TNIK: variants seen among roughly 807,000 people sequenced by gnomAD.
TNIK encodes TRAF2 and NCK-interacting protein kinase.
TNIK carries 49 observed loss-of-function variants against 191.3 expected under a neutral mutation model. That is an observed-to-expected ratio of 0.26 (90% CI 0.20 to 0.32). The LOEUF is 0.32. Ranked by LOEUF, TNIK falls within the 10% of genes least tolerant of loss-of-function variation. The probability of loss-of-function intolerance (pLI) is 1.00; values close to 1 mark genes in which losing one functional copy is unlikely to be tolerated. For missense variants in TNIK, 1,155 were observed against 1,702.3 expected (o/e 0.68, Z 5.66); for synonymous variants, 594 against 600.9 (o/e 0.99, Z 0.17).
chr3:171,111,497 A>G (rs1167726614), intron 18 of TNIK, among the ~76,000 whole-genome samples: 1 of 152,218 alleles, frequency 6.6e-6, no homozygotes, highest in Non-Finnish European at 1.5e-5. Context: ...CTGTTTTCAA[A>G]AGACAAAAGA....
At chr3:171,287,796 G>C (rs1751178887) in intron 2 of TNIK, among the ~76,000 whole-genome samples, 1 of 152,130 alleles carries the variant, frequency 6.6e-6, no homozygotes, top group Non-Finnish European at 1.5e-5. Context: ...TTGTTCAAAT[G>C]ATGCTTGAAG....
At chr3:171,121,223 G>A (rs1162702630) in intron 18 of TNIK, among the ~76,000 whole-genome samples, 1 of 152,114 alleles carries the variant, frequency 6.6e-6, no homozygotes, top group Non-Finnish European at 1.5e-5. Flanking sequence ...TTTTAAAGTG[G>A]CTTTATGGAT....
chr3:171,313,915 T>A (rs1385768601), intron 2 of TNIK, among the ~76,000 whole-genome samples: 1 of 152,162 alleles, frequency 6.6e-6, no homozygotes, highest in African/African-American at 2.4e-5. Flanking sequence ...ATCTGATAAG[T>A]GTGATGCTCT....
chr3:171,072,083 A>T (rs1300100033), intron 28 of TNIK, among the ~76,000 whole-genome samples: 1 of 152,184 alleles, frequency 6.6e-6, no homozygotes, highest in Admixed American at 6.5e-5. Flanking sequence ...TGTCTCTGAT[A>T]GAATAATAAG....
chr3:171,370,767 G>T (rs1164573440), intron 1 of TNIK, among the ~76,000 whole-genome samples: 1 of 152,136 alleles, frequency 6.6e-6, no homozygotes, highest in Non-Finnish European at 1.5e-5. Context: ...GCACAATATT[G>T]CCAGGTCTAA....
chr3:171,237,588 CATGT>C (rs1744434741), intron 2 of TNIK, among the ~76,000 whole-genome samples: 1 of 151,722 alleles, frequency 6.6e-6, no homozygotes, highest in Non-Finnish European at 1.5e-5. Flanking sequence ...ATACACATAA[CATGT>C]ATGTTGGTAA....
chr3:171,203,613 C>T (rs1560257246), intron 4 of TNIK, among the ~76,000 whole-genome samples: 2 of 152,230 alleles, frequency 1.3e-5, no homozygotes, highest in South Asian at 2.1e-4. Context: ...TAAACCACCA[C>T]CACCTTATGT....
intron 2 of TNIK, among the ~76,000 whole-genome samples, chr3:171,288,010 C>T (rs1185417880): frequency 6.0e-5 from 9 of 150,720 alleles, no homozygotes; most frequent in Admixed American, 5.9e-4. Context: ...GAGTTCATGT[C>T]CTTTGTAGGG....
chr3:171,189,322 C>A (rs1737740371), intron 6 of TNIK, among the ~76,000 whole-genome samples: 2 of 152,082 alleles, frequency 1.3e-5, no homozygotes, highest in South Asian at 4.1e-4. Flanking sequence ...ATCTGTTCAC[C>A]TGTTGATGGG....
intron 15 of TNIK, among the ~76,000 whole-genome samples, chr3:171,134,889 T>C (rs1729760845): frequency 6.6e-6 from 1 of 151,738 alleles, no homozygotes; most frequent in South Asian, 2.1e-4. Flanking sequence ...GAGAAGTAGA[T>C]GGAAAAGTAA....
chr3:171,392,784 A>G (rs919044396), intron 1 of TNIK, among the ~76,000 whole-genome samples: 4 of 151,412 alleles, frequency 2.6e-5, no homozygotes, highest in African/African-American at 9.7e-5. Flanking sequence ...GTCTCAAAAA[A>G]AAAAAAAAAA....
At chr3:171,167,333 A>G in intron 9 of TNIK, 63 bp from the exon 10 acceptor site, 1 of 1,572,428 alleles carries the variant, frequency 6.4e-7, no homozygotes, top group South Asian at 1.2e-5. Flanking sequence ...CAAATGTGTA[A>G]TTTCTGAAAT....
chr3:171,295,420 A>G (rs1173228829), intron 2 of TNIK, among the ~76,000 whole-genome samples: 1 of 152,140 alleles, frequency 6.6e-6, no homozygotes, highest in Admixed American at 6.5e-5. Flanking sequence ...GCAGTCCTCC[A>G]AAGTGTTCTA....
chr3:171,249,775 G>A (rs1400840285), intron 2 of TNIK, among the ~76,000 whole-genome samples: 1 of 152,032 alleles, frequency 6.6e-6, no homozygotes, highest in East Asian at 1.9e-4. Flanking sequence ...CCACTCTTGA[G>A]GCAAGTAGCG....
chr3:171,101,078 C>A (rs75739018), intron 22 of TNIK, among the ~76,000 whole-genome samples: 4 of 152,118 alleles, frequency 2.6e-5, no homozygotes, highest in African/African-American at 9.6e-5. Flanking sequence ...TAATTTTAAT[C>A]CCTAAATGTC....
At chr3:171,126,702 A>T (rs1728526273) in intron 16 of TNIK, among the ~76,000 whole-genome samples, 1 of 152,194 alleles carries the variant, frequency 6.6e-6, no homozygotes, top group Non-Finnish European at 1.5e-5. Context: ...CATGGACTGG[A>T]CCAGGCATTC....
chr3:171,270,771 GTTAC>G (rs376611266), intron 2 of TNIK, among the ~76,000 whole-genome samples: 18 of 152,302 alleles, frequency 1.2e-4, no homozygotes, highest in African/African-American at 4.1e-4. Context: ...TTTTGGGAAA[GTTAC>G]TTCACACTCA....
At chr3:171,218,443 A>G (rs1741724448) in intron 3 of TNIK, among the ~76,000 whole-genome samples, 3 of 152,158 alleles carry the variant, frequency 2.0e-5, no homozygotes, top group South Asian at 4.1e-4. Flanking sequence ...TCATGTGGCT[A>G]AAGTCTACCA....
intron 15 of TNIK, among the ~76,000 whole-genome samples, chr3:171,135,383 G>A (rs1212382441): frequency 6.6e-6 from 1 of 152,192 alleles, no homozygotes; most frequent in African/African-American, 2.4e-5. Context: ...TAAAAATGAT[G>A]ACTCAAACCA....
Sources: gnomAD v4.1 joint callset for allele counts (sites outside exome capture counted in the v4.1 genomes callset) on GRCh38, gnomAD v4.1.1 for gene constraint, MANE v1.5 for transcripts, NCBI Gene and HGNC (gene_info 2026-07-23, HGNC 2026-07-21) for gene names.